Variants in HEATR4 observed in about 807,000 individuals in gnomAD.
HEATR4 encodes HEAT repeat-containing protein 4.
In HEATR4, 95 loss-of-function variants were observed where a neutral mutation model predicts 108.8. The ratio of observed to expected loss-of-function variants is 0.87; its 90% CI spans 0.74 to 1.04. The LOEUF (loss-of-function observed/expected upper bound fraction) is 1.04. HEATR4 is among the 50% of genes least tolerant of loss of function. The pLI, the probability that HEATR4 is intolerant of heterozygous loss-of-function variation, is 0.00. For missense variants in HEATR4, 1,152 were observed against 1,253.8 expected, an observed-to-expected ratio of 0.92 and a Z score of 1.23; for synonymous variants, 443 against 459.4, an observed-to-expected ratio of 0.96 and a Z score of 0.46.
intron 10 of HEATR4, among the ~76,000 whole-genome samples, chr14:73,504,052 G>T (rs1044603772): frequency 6.6e-6 from 1 of 151,754 alleles, no homozygotes; most frequent in Non-Finnish European, 1.5e-5. Context: ...GATTGAGCTG[G>T]CTTAAGATGA....
the HEATR4 span, chr14:73,620,009 C>A: frequency 2.9e-6 from 2 of 688,426 alleles, no homozygotes; most frequent in Non-Finnish European, 4.5e-6. Context: ...CCTCCCAGGT[C>A]CAAGCTGTTC....
chr14:73,626,785 CA>C, the HEATR4 span, among the ~76,000 whole-genome samples: 1,791 of 136,818 alleles, frequency 0.013, 79 homozygotes, highest in African/African-American at 0.049. Flanking sequence ...AACAGACAAA[CA>C]GCCTTTTTTT....
the HEATR4 span, among the ~76,000 whole-genome samples, chr14:73,632,396 A>G: frequency 1.5e-4 from 23 of 152,348 alleles, no homozygotes; most frequent in Non-Finnish European, 1.5e-5. Context: ...TCCCAAGGGT[A>G]GTTACTATTA....
At chr14:73,615,900 T>C in the HEATR4 span, among the ~76,000 whole-genome samples, 1 of 152,126 alleles carries the variant, frequency 6.6e-6, no homozygotes, top group Non-Finnish European at 1.5e-5. Context: ...ACCCTATTTC[T>C]ATAAAAAGTT....
At chr14:73,491,514 C>T in intron 17 of HEATR4, 1 of 1,513,390 alleles carries the variant, frequency 6.6e-7, no homozygotes, top group South Asian at 1.2e-5. Context: ...GCCCCTGCGA[C>T]GGCGTCGGGG....
the HEATR4 span, chr14:73,596,049 G>A: frequency 6.1e-6 from 1 of 163,196 alleles, no homozygotes; most frequent in South Asian, 1.9e-4. Context: ...GAAACATACA[G>A]AGGGGTGTTA....
the HEATR4 span, among the ~76,000 whole-genome samples, chr14:73,585,958 A>C: frequency 6.8e-6 from 1 of 147,110 alleles, no homozygotes; most frequent in East Asian, 2.0e-4. Flanking sequence ...GCAGTGAGCC[A>C]AGGTGGCACA....
chr14:73,526,548 A>T (rs1203133069), intron 2 of HEATR4, among the ~76,000 whole-genome samples: 1 of 151,758 alleles, frequency 6.6e-6, no homozygotes, highest in African/African-American at 2.4e-5. Flanking sequence ...AAGGAGAGGG[A>T]AGAGTACTCA....
chr14:73,618,325 A>ATTTATAATTTTGAAATATTTAGGT, the HEATR4 span, among the ~76,000 whole-genome samples: 11 of 151,814 alleles, frequency 7.2e-5, no homozygotes, highest in African/African-American at 2.7e-4. Flanking sequence ...GGCACCCCAG[A>ATTTATAATTTTGAAATATTTAGGT]ATTCTCTGCC....
At chr14:73,583,798 G>A in the HEATR4 span, among the ~76,000 whole-genome samples, 2 of 151,842 alleles carry the variant, frequency 1.3e-5, no homozygotes, top group African/African-American at 2.4e-5. Flanking sequence ...TCAGGAGTTC[G>A]AGACCAGCCT....
In HEATR4 at chr14:73,557,085, T is replaced by C. The variant is rs1402890577; in HGVS notation, c.-152+1666A>G. ...GGCAGGTCCGGGGTCCTTTTGTACATAGACAGCATAAAAAATTGACTAAGT... is the reference window on the plus strand; with the variant it reads ...GGCAGGTCCGGGGTCCTTTTGTACACAGACAGCATAAAAAATTGACTAAGT... On this transcript the variant is annotated intron_variant, in intron 1 of 17. Transcript: ENST00000553558. Among the ~76,000 whole-genome samples the C allele has an allele frequency of 3.6e-4, 41 of 113,280 alleles. 12 individuals are homozygous for C. The highest frequency in any genetic ancestry group is 1.4e-3 in the East Asian group (2 of 1,456). 74.3% of individuals were successfully genotyped at this position (113,280 alleles called of 152,430 possible).
At chr14:73,514,736 T>G (rs1158422146) in intron 5 of HEATR4, among the ~76,000 whole-genome samples, 1 of 152,132 alleles carries the variant, frequency 6.6e-6, no homozygotes, top group Non-Finnish European at 1.5e-5. Flanking sequence ...AACAGAAATT[T>G]GAGAACAGAA....
the HEATR4 span, chr14:73,620,024 A>G: frequency 8.2e-6 from 5 of 606,444 alleles, no homozygotes; most frequent in Non-Finnish European, 1.1e-5. Context: ...CTGTTCTCCG[A>G]CCTCAGACTC....
intron 10 of HEATR4, 78 bp from the exon 11 acceptor site, chr14:73,503,091 T>C: frequency 8.5e-7 from 1 of 1,181,004 alleles, no homozygotes; most frequent in Non-Finnish European, 1.3e-6. Context: ...TGTTTTTTCT[T>C]CTTTTTTTAC....
the HEATR4 span, among the ~76,000 whole-genome samples, chr14:73,584,011 A>AG: frequency 6.6e-6 from 1 of 151,196 alleles, no homozygotes; most frequent in Admixed American, 6.6e-5. Flanking sequence ...AAAAAAAAAA[A>AG]CAGACAAAAT....
intron 10 of HEATR4, among the ~76,000 whole-genome samples, chr14:73,503,923 CT>C (rs1403093961): frequency 6.6e-6 from 1 of 152,200 alleles, no homozygotes; most frequent in Non-Finnish European, 1.5e-5. Context: ...ACCTCAACCC[CT>C]GCTAGCTCTG....
the HEATR4 span, among the ~76,000 whole-genome samples, chr14:73,589,713 G>C: frequency 2.0e-5 from 3 of 152,110 alleles, no homozygotes; most frequent in African/African-American, 7.2e-5. Flanking sequence ...GGTGTTTCCA[G>C]ACTGGTCTTG....
chr14:73,506,821 T>TTTTTTTTTTTTTTTTTG (rs1886884191), intron 9 of HEATR4, among the ~76,000 whole-genome samples: 1 of 138,478 alleles, frequency 7.2e-6, no homozygotes, highest in African/African-American at 3.1e-5. Context: ...TTTTTTTTTT[T>TTTTTTTTTTTTTTTTTG]TTTTCTGAGA....
the HEATR4 span, among the ~76,000 whole-genome samples, chr14:73,598,891 C>T: frequency 6.6e-6 from 1 of 152,028 alleles, no homozygotes; most frequent in South Asian, 2.1e-4. Context: ...GTAATCTCAG[C>T]TACTCAGGAG....
Sources: allele counts gnomAD v4.1 joint callset (sites outside exome capture counted in the v4.1 genomes callset), GRCh38; gene constraint gnomAD v4.1.1; transcripts MANE v1.5; gene names NCBI Gene and HGNC (gene_info 2026-07-23, HGNC 2026-07-21).